PCDHA9: variants seen among roughly 807,000 people sequenced by gnomAD.
PCDHA9 encodes protocadherin alpha-9.
A neutral mutation model predicts 62.0 loss-of-function variants in PCDHA9; 62 were observed. The ratio of observed to expected loss-of-function variants is 1.00; its 90% CI spans 0.81 to 1.23. PCDHA9 has a LOEUF of 1.23. Ranked by LOEUF, PCDHA9 falls within the 50% of genes most tolerant of loss-of-function variation. The probability of loss-of-function intolerance (pLI) is 0.00; values close to 1 mark genes in which losing one functional copy is unlikely to be tolerated. For synonymous variants in PCDHA9, 557 were observed against 567.6 expected, an observed-to-expected ratio of 0.98 and a Z score of 0.27; for missense variants, 1,205 against 1,249.8, an observed-to-expected ratio of 0.96 and a Z score of 0.54.
At chr5:140,860,216 T>C (rs1554153148) in intron 1 of PCDHA9, 2 of 150,242 alleles carry the variant, frequency 1.3e-5, no homozygotes, top group South Asian at 2.1e-4. Flanking sequence ...TATGTACTTA[T>C]GTATATATAA....
chr5:140,955,468 T>C (rs1394591179), intron 1 of PCDHA9, among the ~76,000 whole-genome samples: 1 of 152,116 alleles, frequency 6.6e-6, no homozygotes, highest in Non-Finnish European at 1.5e-5. Context: ...TCCTTTTTGC[T>C]TGGCACCTCT....
chr5:141,011,745 A>G lies in PCDHA9; in HGVS notation c.*1808A>G, dbSNP rs1378591918. 3 of 153,762 alleles carry G rather than the reference A, an allele frequency of 2.0e-5. No individual in the cohort carries two copies. The highest frequency in any genetic ancestry group is 1.9e-4 in the East Asian group (1 of 5,196). 9.5% of individuals were successfully genotyped at this position (153,762 alleles called of 1,614,324 possible). ...GGGTGTGCAAGCACAAATTTTACCA[A>G]TCTGACCTCTTTGAAGTTGCAGAAT... On this transcript the variant is annotated 3_prime_UTR_variant, in exon 4 of 4. Coordinates refer to ENST00000532602, the MANE Select transcript of PCDHA9 (RefSeq NM_031857.2).
chr5:140,870,388 G>T, intron 1 of PCDHA9: 1 of 1,614,232 alleles, frequency 6.2e-7, no homozygotes. Context: ...TGCGCGGGAT[G>T]GGGGTTCGCC....
chr5:140,849,960 C>G lies in PCDHA9; in HGVS notation c.1465C>G (p.Leu489Val). 1 of 1,597,926 alleles carries G rather than the reference C, an allele frequency of 6.3e-7. No individual in the cohort carries two copies. Among genetic ancestry groups the G allele is most frequent in the Non-Finnish European group, 8.6e-7 (1 of 1,167,914 alleles). Residue 489 changes from leucine to valine, a missense_variant, in exon 1 of 4, where the codon CTG becomes GTG. Leu to Val is a conservative substitution (Grantham distance 32, BLOSUM62 1). This residue lies in a region of PCDHA9 where 887 missense variants were observed against 809.5 expected (regional missense o/e 1.10). Coordinates refer to ENST00000532602, the MANE Select transcript of PCDHA9 (RefSeq NM_031857.2). ...ARDADAQENALVSYSLVERRL... is the reference protein window; with the variant it reads ...ARDADAQENAVVSYSLVERRL... The stretch of plus-strand genomic sequence containing the variant: ...GGACGCTGACGCGCAGGAGAACGCC[C>G]TGGTGTCCTACTCGCTGGTGGAGCG...
At chr5:140,960,436 G>C (rs2095548378) in intron 1 of PCDHA9, among the ~76,000 whole-genome samples, 1 of 152,180 alleles carries the variant, frequency 6.6e-6, no homozygotes. Context: ...TGATACTCTA[G>C]ATATATGTAT....
At chr5:140,971,782 A>G (rs1458049076) in intron 1 of PCDHA9, among the ~76,000 whole-genome samples, 1 of 152,166 alleles carries the variant, frequency 6.6e-6, no homozygotes, top group Non-Finnish European at 1.5e-5. Context: ...ATTCAAGATT[A>G]TTCAATATAT....
chr5:140,943,420 G>T (rs1197382156), intron 1 of PCDHA9, among the ~76,000 whole-genome samples: 1 of 152,040 alleles, frequency 6.6e-6, no homozygotes, highest in Non-Finnish European at 1.5e-5. Context: ...AGAGGCAAGG[G>T]CTTTAATATG....
intron 1 of PCDHA9, among the ~76,000 whole-genome samples, chr5:140,939,509 C>T (rs1013863525): frequency 9.3e-5 from 14 of 150,592 alleles, no homozygotes; most frequent in Non-Finnish European, 1.8e-4. Flanking sequence ...ATGTCTATAA[C>T]ATTAATAGTT....
intron 1 of PCDHA9, among the ~76,000 whole-genome samples, chr5:140,932,061 T>G (rs1009983968): frequency 5.3e-5 from 8 of 152,046 alleles, no homozygotes; most frequent in African/African-American, 1.9e-4. Flanking sequence ...TACTAAAAAT[T>G]ATCAGTTTAA....
rs549755742 is a variant in PCDHA9 at position 140,943,684 on chromosome 5, T to C, written c.2395-35265T>C. ...ATGTATAAAGTGTGAAAAAAAGGGA[T>C]AAGGTCAAAATATTGTGGAACACAT... On this transcript the variant is annotated intron_variant, in intron 1 of 3. Transcript: ENST00000532602. Among the ~76,000 whole-genome samples, 254 of 152,102 alleles carry C rather than the reference T, an allele frequency of 1.7e-3. 2 individuals carry two copies. The highest frequency in any genetic ancestry group is 2.9e-4 in the Non-Finnish European group (20 of 67,984).
chr5:140,853,467 G>T lies in PCDHA9; in HGVS notation c.2394+2578G>T, dbSNP rs2150532339. 46 of 971,640 alleles carry T rather than the reference G, an allele frequency of 4.7e-5. No homozygotes were observed. The African/African-American group carries it at 8.1e-4, about 17-fold the overall frequency. 60.2% of individuals were successfully genotyped at this position (971,640 alleles called of 1,614,324 possible). ...CTAATAGGTCTCCTTATATGCATCT[G>T]TAGTTAACATTCCTCAATTCAAGTT... On this transcript the variant is annotated intron_variant, in intron 1 of 3. Transcript: ENST00000532602.
In PCDHA9 at chr5:140,869,463, C is replaced by A. The variant is rs1554163094; in HGVS notation, c.2394+18574C>A. On this transcript the variant is annotated intron_variant, in intron 1 of 3. Transcript: ENST00000532602. ...GGCCGCTGCAGGTTTTCCATGTGAACGTGGAGGTGAAGGACATTAACGACA... is the reference window on the plus strand; with the variant it reads ...GGCCGCTGCAGGTTTTCCATGTGAAAGTGGAGGTGAAGGACATTAACGACA... 2 of 1,614,148 alleles carry A rather than the reference C, an allele frequency of 1.2e-6. No homozygotes were observed. Among genetic ancestry groups the A allele is most frequent in the Admixed American group, 1.7e-5 (1 of 60,024 alleles).
chr5:140,916,028 C>T (rs1554197245), intron 1 of PCDHA9, among the ~76,000 whole-genome samples: 1 of 152,152 alleles, frequency 6.6e-6, no homozygotes, highest in African/African-American at 2.4e-5. Flanking sequence ...TCCCATTCTT[C>T]CCTCCCCTTT....
Position 140,968,677 on chromosome 5 carries a change from G to A in PCDHA9, c.2395-10272G>A, listed in dbSNP as rs781795184. The A allele has an allele frequency of 5.0e-6, 8 of 1,614,156 alleles. No individual in the cohort carries two copies. In the South Asian group the frequency reaches 8.8e-5, roughly 18 times the overall value. ...ACCTGGACCTCTTTAAGGTAGAGCTGCACACAGGAGAAATTAGGACTACCA... is the reference window on the plus strand; with the variant it reads ...ACCTGGACCTCTTTAAGGTAGAGCTACACACAGGAGAAATTAGGACTACCA... On this transcript the variant is annotated intron_variant, in intron 1 of 3. Coordinates refer to ENST00000532602, the MANE Select transcript of PCDHA9 (RefSeq NM_031857.2).
intron 2 of PCDHA9, among the ~76,000 whole-genome samples, chr5:140,981,337 G>A (rs2096927522): frequency 6.6e-6 from 1 of 152,146 alleles, no homozygotes; most frequent in African/African-American, 2.4e-5. Context: ...ACTTTGGGAG[G>A]GTGAGGCAGG....
rs143060335 is a variant in PCDHA9 at position 140,868,584 on chromosome 5, G to A, written c.2394+17695G>A. 748 of 153,118 alleles carry A rather than the reference G, an allele frequency of 4.9e-3. 7 individuals carry two copies. Among genetic ancestry groups the A allele is most frequent in the African/African-American group, 0.016 (680 of 41,552 alleles). The allele number at this position is 153,118 out of a possible 1,614,324, so 9.5% of individuals were successfully genotyped here. A position where few individuals can be genotyped will look rare whatever the true frequency, so the allele number is the denominator to read the frequency against. Reference sequence around the variant, plus strand: ...ATGAGGAACAACACTTTCAGGAAATGTTTAACCCTAGTTTTTCATGAGGCC... The same window carrying A: ...ATGAGGAACAACACTTTCAGGAAATATTTAACCCTAGTTTTTCATGAGGCC... On this transcript the variant is annotated intron_variant, in intron 1 of 3. Transcript: ENST00000532602.
chr5:140,867,553 A>G (rs782238802), intron 1 of PCDHA9: 1 of 152,158 alleles, frequency 6.6e-6, no homozygotes, highest in Non-Finnish European at 1.5e-5. Context: ...GCATACACAT[A>G]TGATAACTTT....
chr5:140,915,093 G>A (rs1397392191), intron 1 of PCDHA9, among the ~76,000 whole-genome samples: 3 of 151,622 alleles, frequency 2.0e-5, no homozygotes, highest in Non-Finnish European at 2.9e-5. Flanking sequence ...CTATGGGCAC[G>A]CACCACCACA....
At chr5:140,923,221 TTTGAGCCCAGAA>T (rs1584298069) in intron 1 of PCDHA9, among the ~76,000 whole-genome samples, 1 of 71,862 alleles carries the variant, frequency 1.4e-5, no homozygotes, top group Non-Finnish European at 3.3e-5. Flanking sequence ...GAAAGGATCG[TTTGAGCCCAGAA>T]GTTTGAGACC....
Sources: allele counts gnomAD v4.1 joint callset (sites outside exome capture counted in the v4.1 genomes callset), GRCh38; gene constraint gnomAD v4.1.1; regional missense constraint gnomAD v4.1.1; transcripts MANE v1.5; gene names NCBI Gene and HGNC (gene_info 2026-07-23, HGNC 2026-07-21).